RALGPS1: variants seen among roughly 807,000 people sequenced by gnomAD.
The protein encoded by RALGPS1 is Ral GEF with PH domain and SH3 binding motif 1.
Under a neutral mutation model 78.8 loss-of-function variants are expected in RALGPS1, and 19 were observed. The ratio of observed to expected loss-of-function variants is 0.24; its 90% CI spans 0.17 to 0.35. The LOEUF is 0.35. Ranked by LOEUF, RALGPS1 falls within the 10% of genes least tolerant of loss-of-function variation. The probability of loss-of-function intolerance (pLI) is 1.00; values close to 1 mark genes in which losing one functional copy is unlikely to be tolerated. For missense variants in RALGPS1, 454 were observed against 688.3 expected, an observed-to-expected ratio of 0.66 and a Z score of 3.81; for synonymous variants, 228 against 256.3, an observed-to-expected ratio of 0.89 and a Z score of 1.06.
intron 8 of RALGPS1, among the ~76,000 whole-genome samples, chr9:127,070,957 A>G (rs2135895346): frequency 6.6e-6 from 1 of 151,576 alleles, no homozygotes; most frequent in Middle Eastern, 3.4e-3. Context: ...CAGATTTTCA[A>G]TATTACTAGC....
intron 11 of RALGPS1, chr9:127,184,461 A>G (rs998902729): frequency 4.6e-6 from 1 of 215,094 alleles, no homozygotes; most frequent in Non-Finnish European, 9.4e-6. Context: ...CCCAGGCTCC[A>G]CTGTGAAACC....
At chr9:127,000,534 C>CTTTTTTTTTTT (rs1163116649) in intron 4 of RALGPS1, among the ~76,000 whole-genome samples, 5 of 33,340 alleles carry the variant, frequency 1.5e-4, no homozygotes, top group East Asian at 1.3e-3. Context: ...CTTGTCTTGT[C>CTTTTTTTTTTT]TTTTTTTTTT....
intron 11 of RALGPS1, among the ~76,000 whole-genome samples, chr9:127,193,314 G>A (rs544617467): frequency 6.6e-6 from 1 of 152,212 alleles, no homozygotes; most frequent in African/African-American, 2.4e-5. Context: ...TGAAAGGGGT[G>A]GGGTCTTGGA....
chr9:126,921,467 A>T (rs1286561865), intron 1 of RALGPS1, among the ~76,000 whole-genome samples: 1 of 152,232 alleles, frequency 6.6e-6, no homozygotes, highest in African/African-American at 2.4e-5. Context: ...CATGAGTTGT[A>T]CTTGTCTCAC....
At chr9:127,058,715 T>C (rs1291277856) in intron 7 of RALGPS1, among the ~76,000 whole-genome samples, 3 of 152,126 alleles carry the variant, frequency 2.0e-5, no homozygotes, top group Non-Finnish European at 4.4e-5. Context: ...TCCTAGCATA[T>C]GGATGAGTCA....
intron 8 of RALGPS1, among the ~76,000 whole-genome samples, chr9:127,103,561 C>G (rs1057323560): frequency 9.9e-5 from 15 of 152,214 alleles, no homozygotes; most frequent in Non-Finnish European, 2.1e-4. Context: ...AATTAGACTT[C>G]AGTTGGGTCC....
intron 4 of RALGPS1, among the ~76,000 whole-genome samples, chr9:126,993,393 C>G (rs61622374): frequency 3.9e-5 from 6 of 152,302 alleles, no homozygotes; most frequent in African/African-American, 1.4e-4. Flanking sequence ...ATGCTGCCCT[C>G]ACAAAATGAG....
At chr9:127,152,526 C>T (rs896524746) in intron 8 of RALGPS1, among the ~76,000 whole-genome samples, 2 of 152,172 alleles carry the variant, frequency 1.3e-5, no homozygotes, top group Non-Finnish European at 1.5e-5. Flanking sequence ...GTCATTGGCC[C>T]AAATTTTCTG....
chr9:127,036,606 C>T (rs1205194920), intron 5 of RALGPS1, among the ~76,000 whole-genome samples: 4 of 152,156 alleles, frequency 2.6e-5, no homozygotes, highest in Non-Finnish European at 4.4e-5. Context: ...TTTGAGGCTT[C>T]TTGTGGCCAA....
intron 5 of RALGPS1, among the ~76,000 whole-genome samples, chr9:127,036,258 G>T (rs965134908): frequency 6.6e-6 from 1 of 152,260 alleles, no homozygotes; most frequent in African/African-American, 2.4e-5. Context: ...GGTAGCTCTG[G>T]TTTGAAAATT....
At chr9:127,156,623 T>C (rs1275261078) in intron 8 of RALGPS1, among the ~76,000 whole-genome samples, 1 of 152,188 alleles carries the variant, frequency 6.6e-6, no homozygotes, top group Non-Finnish European at 1.5e-5. Context: ...GAGCTCTTTA[T>C]ATATTAGGAC....
chr9:126,919,063 C>T (rs190569191), intron 1 of RALGPS1, among the ~76,000 whole-genome samples: 48 of 152,308 alleles, frequency 3.2e-4, no homozygotes, highest in Admixed American at 2.9e-3. Context: ...TCCCTAGAGG[C>T]AGCCACTGTT....
rs139773187 is a variant in RALGPS1 at position 127,012,727 on chromosome 9, G to T, written c.217-21704G>T. The stretch of plus-strand genomic sequence containing the variant: ...TCTGAGGTTTCTGAGTGGAGTTGTA[G>T]ATTTGAATGTAATTAGAGGATAATT... On this transcript the variant is annotated intron_variant, in intron 4 of 18. Transcript: ENST00000259351. Among the ~76,000 whole-genome samples, 370 of 152,330 alleles carry T rather than the reference G, an allele frequency of 2.4e-3. 6 individuals are homozygous for T. The South Asian group carries it at 0.025, about 10-fold the overall frequency.
intron 8 of RALGPS1, among the ~76,000 whole-genome samples, chr9:127,086,134 A>G (rs768748497): frequency 6.6e-6 from 1 of 152,024 alleles, no homozygotes; most frequent in Non-Finnish European, 1.5e-5. Flanking sequence ...ACACACACAC[A>G]CGCCTGTTTC....
rs372971226 is a variant in RALGPS1 at position 127,014,887 on chromosome 9, C to T, written c.217-19544C>T. Reference sequence around the variant, plus strand: ...TTAAGAGATGAGGCTCTGGAGTCTGCCATTTACTACCTGGATGCACTTGTA... The same window carrying T: ...TTAAGAGATGAGGCTCTGGAGTCTGTCATTTACTACCTGGATGCACTTGTA... On this transcript the variant is annotated intron_variant, in intron 4 of 18. Transcript: ENST00000259351. Among the ~76,000 whole-genome samples, 425 of 152,252 alleles carry T rather than the reference C, an allele frequency of 2.8e-3. 2 individuals carry two copies. Among genetic ancestry groups the T allele is most frequent in the African/African-American group, 9.4e-3 (392 of 41,548 alleles).
intron 3 of RALGPS1, among the ~76,000 whole-genome samples, chr9:126,966,997 GA>G (rs781219545): frequency 1.3e-5 from 2 of 152,108 alleles, no homozygotes; most frequent in Non-Finnish European, 2.9e-5. Flanking sequence ...CCAGAACCCT[GA>G]AAGTGTTTCT....
chr9:127,119,497 T>C (rs186829794), intron 8 of RALGPS1, among the ~76,000 whole-genome samples: 1 of 152,336 alleles, frequency 6.6e-6, no homozygotes, highest in Admixed American at 6.5e-5. Context: ...CAGTCCCACA[T>C]AATCACATAA....
At chr9:127,076,718 A>G (rs761379749) in intron 8 of RALGPS1, among the ~76,000 whole-genome samples, 1 of 152,210 alleles carries the variant, frequency 6.6e-6, no homozygotes, top group Non-Finnish European at 1.5e-5. Context: ...CCCTGCCCTC[A>G]TGGAGCTCAC....
At chr9:126,940,738 C>T (rs1426190697) in intron 1 of RALGPS1, among the ~76,000 whole-genome samples, 1 of 151,312 alleles carries the variant, frequency 6.6e-6, no homozygotes, top group Non-Finnish European at 1.5e-5. Flanking sequence ...TTGTCTCTTG[C>T]TTTCTCGGCA....
Sources: gnomAD v4.1 joint callset for allele counts (sites outside exome capture counted in the v4.1 genomes callset) on GRCh38, gnomAD v4.1.1 for gene constraint, MANE v1.5 for transcripts, NCBI Gene and HGNC (gene_info 2026-07-23, HGNC 2026-07-21) for gene names.